The following H2BC18 variants were observed in gnomAD, a reference collection of about 807,000 sequenced individuals.
H2BC18 encodes the protein histone H2B type 2-F.
Under a neutral mutation model 6.3 loss-of-function variants are expected in H2BC18, and 8 were observed. The observed-to-expected ratio is 1.28, with a 90% CI of 0.75 to 2.31. The LOEUF (loss-of-function observed/expected upper bound fraction) is 2.31. H2BC18 is among the 30% of genes most tolerant of loss of function. The pLI, the probability that H2BC18 is intolerant of heterozygous loss-of-function variation, is 0.00. For missense variants in H2BC18, 106 were observed against 174.5 expected (o/e 0.61, Z 2.21); for synonymous variants, 104 against 78.1 (o/e 1.33, Z -1.75).
intron 1 of H2BC18, chr1:149,789,931 G>T (rs2091659013): frequency 1.9e-6 from 3 of 1,588,674 alleles, no homozygotes; most frequent in African/African-American, 1.4e-5. Flanking sequence ...AGTAAAAAGG[G>T]TTAATGCCTT....
chr1:149,809,934 A>C (rs2091956250), downstream of H2BC18, among the ~76,000 whole-genome samples: 1 of 150,852 alleles, frequency 6.6e-6, no homozygotes, highest in Non-Finnish European at 1.5e-5. Context: ...TAGAACATTT[A>C]GGCTAAGCTG....
At chr1:149,810,928 C>T (rs587666340), downstream of H2BC18, 3 of 152,286 alleles carry the variant, frequency 2.0e-5, no homozygotes, top group East Asian at 5.8e-4. Context: ...GTTTAACAAG[C>T]GCAAAGGTGA....
chr1:149,790,440 G>T, intron 1 of H2BC18: 1 of 1,539,212 alleles, frequency 6.5e-7, no homozygotes, highest in Non-Finnish European at 8.8e-7. Flanking sequence ...GACAGGAGGG[G>T]AAAGTCTCTT....
chr1:149,808,441 T>A (rs1404918138), downstream of H2BC18, among the ~76,000 whole-genome samples: 1 of 152,192 alleles, frequency 6.6e-6, no homozygotes, highest in Non-Finnish European at 1.5e-5. Flanking sequence ...TAACATATCT[T>A]GCTTGAATTA....
At chr1:149,802,332 C>G (rs1436866154) in intron 1 of H2BC18, among the ~76,000 whole-genome samples, 2 of 152,036 alleles carry the variant, frequency 1.3e-5, no homozygotes, top group African/African-American at 4.8e-5. Context: ...GGAACTAATC[C>G]TATGGCTAAT....
At chr1:149,786,984 C>A (rs2091569310) in intron 1 of H2BC18, 1 of 152,118 alleles carries the variant, frequency 6.6e-6, no homozygotes, top group Non-Finnish European at 1.5e-5. Context: ...AGTAGAGCAT[C>A]CACAAAATCA....
chr1:149,784,909 T>A (rs1295323027), intron 1 of H2BC18, among the ~76,000 whole-genome samples: 1 of 151,924 alleles, frequency 6.6e-6, no homozygotes, highest in Non-Finnish European at 1.5e-5. Flanking sequence ...ATTTATAAGA[T>A]GTTTCCACTC....
At chr1:149,790,133 A>T (rs2091666728) in intron 1 of H2BC18, 1 of 1,613,800 alleles carries the variant, frequency 6.2e-7, no homozygotes, top group Admixed American at 1.7e-5. Flanking sequence ...TGAGCTGTGA[A>T]ACAAAGTTGC....
At chr1:149,798,356 G>A (rs1285531593) in intron 1 of H2BC18, among the ~76,000 whole-genome samples, 1 of 150,214 alleles carries the variant, frequency 6.7e-6, no homozygotes. Context: ...GATGGTATAG[G>A]CATAATTATA....
chr1:149,805,607 A>G (rs1463642730), intron 1 of H2BC18: 2 of 152,026 alleles, frequency 1.3e-5, no homozygotes, highest in African/African-American at 2.4e-5. Context: ...GTTAAATTCA[A>G]CTCTTGGAGC....
At chr1:149,793,112 C>T (rs782559755) in intron 1 of H2BC18, 1 of 1,273,778 alleles carries the variant, frequency 7.9e-7, no homozygotes, top group Admixed American at 2.4e-5. Context: ...GGGATGCTGC[C>T]GGCCTCAGGT....
Position 149,812,350 on chromosome 1 carries a change from C to T in H2BC18, c.-27G>A, listed in dbSNP as rs781940208. ...TTTGCGCGAAAAAAGAGAAAAGAGA[C>T]TTAAAGAAGTAATCCGAACTACCGC... On this transcript the variant is annotated 5_prime_UTR_variant, in exon 1 of 1. Transcript: ENST00000369167. The T allele has an allele frequency of 3.7e-6, 6 of 1,614,042 alleles. No individual in the cohort carries two copies. Among genetic ancestry groups the T allele is most frequent in the South Asian group, 3.3e-5 (3 of 91,078 alleles).
At chr1:149,806,757 G>C (rs3005607) in intron 1 of H2BC18, among the ~76,000 whole-genome samples, 1 of 152,228 alleles carries the variant, frequency 6.6e-6, no homozygotes, top group African/African-American at 2.4e-5. Flanking sequence ...AGTCATGCAA[G>C]TATCTAGGGA....
rs372216211 is a variant in H2BC18 at position 149,804,873 on chromosome 1, T to C, written c.377+7074A>G. On this transcript the variant is annotated intron_variant, in intron 1 of 1. Transcript: ENST00000545683. The stretch of plus-strand genomic sequence containing the variant: ...GCTGATGTTCATCGCCACTACAGGC[T>C]AGTGCCTTCTCAGCAAGAACTACTC... Among the ~76,000 whole-genome samples the C allele has an allele frequency of 5.0e-3, 744 of 150,196 alleles. 1 individual carries two copies. The highest frequency in any genetic ancestry group is 0.023 in the Admixed American group (343 of 15,076).
downstream of H2BC18, among the ~76,000 whole-genome samples, chr1:149,808,006 A>AT (rs1485359752): frequency 6.6e-6 from 1 of 152,134 alleles, no homozygotes; most frequent in African/African-American, 2.4e-5. Flanking sequence ...ATATAATAAT[A>AT]TTAAAAAATA....
At chr1:149,793,130 G>A in intron 1 of H2BC18, 1 of 1,274,732 alleles carries the variant, frequency 7.8e-7, no homozygotes, top group South Asian at 1.2e-5. Flanking sequence ...GGTGCGCCCG[G>A]CCGAGCCTCC....
chr1:149,801,072 T>C (rs1452359942), intron 1 of H2BC18, among the ~76,000 whole-genome samples: 48 of 148,472 alleles, frequency 3.2e-4, no homozygotes, highest in East Asian at 8.4e-4. Flanking sequence ...GGTAATAGAG[T>C]GAGACCCGGT....
rs782804274 is a variant in H2BC18 at position 149,812,021 on chromosome 1, C to G, written c.303G>C (p.Leu101=). ...GCTTGGCCAGCTCGCCGGGCAGCAG[C>G]AGGCGCACGGCCGTCTGGATCTCGC... ...TSREIQTAVR[L]LLPGELAKHA... is the part of the protein sequence containing the mutation. The change falls in exon 1 of 1, where the codon CTG becomes CTC. Residue 101 remains leucine, a synonymous_variant. Transcript: ENST00000369167. The G allele has an allele frequency of 1.9e-6, 3 of 1,614,194 alleles. No individual in the cohort carries two copies. The highest frequency in any genetic ancestry group is 2.5e-6 in the Non-Finnish European group (3 of 1,180,030).
intron 1 of H2BC18, among the ~76,000 whole-genome samples, chr1:149,799,414 T>C (rs1337041390): frequency 1.3e-5 from 2 of 152,234 alleles, no homozygotes; most frequent in Non-Finnish European, 2.9e-5. Flanking sequence ...TCTCATCATG[T>C]ATGCTCAGAA....
Sources: allele counts gnomAD v4.1 joint callset (sites outside exome capture counted in the v4.1 genomes callset), GRCh38; gene constraint gnomAD v4.1.1; transcripts MANE v1.5; gene names NCBI Gene and HGNC (gene_info 2026-07-23, HGNC 2026-07-21).